NCALD: variants seen among roughly 807,000 people sequenced by gnomAD.
NCALD encodes neurocalcin-delta.
In NCALD, 10 loss-of-function variants were observed where a neutral mutation model predicts 18.6. The observed-to-expected ratio is 0.54, with a 90% CI of 0.33 to 0.91. The LOEUF (loss-of-function observed/expected upper bound fraction) is 0.91. Ranked by LOEUF, NCALD falls within the 40% of genes least tolerant of loss-of-function variation. The pLI, the probability that NCALD is intolerant of heterozygous loss-of-function variation, is 0.03. For synonymous variants in NCALD, 88 were observed against 87.4 expected (o/e 1.01, Z -0.04); for missense variants, 184 against 247.6 (o/e 0.74, Z 1.72).
intron 2 of NCALD, among the ~76,000 whole-genome samples, chr8:101,704,003 A>G (rs1460338318): frequency 6.6e-6 from 1 of 152,124 alleles, no homozygotes; most frequent in Non-Finnish European, 1.5e-5. Context: ...CATCAGCCAG[A>G]GGGAGAGCCT....
intron 1 of NCALD, among the ~76,000 whole-genome samples, chr8:101,780,572 G>C (rs1191856091): frequency 6.6e-6 from 1 of 152,086 alleles, no homozygotes; most frequent in African/African-American, 2.4e-5. Flanking sequence ...ATGGGGAGGG[G>C]TGAATAGGGA....
intron 2 of NCALD, among the ~76,000 whole-genome samples, chr8:101,704,485 C>A (rs1466196359): frequency 6.6e-6 from 1 of 152,138 alleles, no homozygotes; most frequent in African/African-American, 2.4e-5. Context: ...GCCGCGGTGA[C>A]TTCTGGTATC....
chr8:102,079,453 G>T (rs1322608976), intron 1 of NCALD, among the ~76,000 whole-genome samples: 1 of 150,900 alleles, frequency 6.6e-6, no homozygotes, highest in Non-Finnish European at 1.5e-5. Flanking sequence ...GGCAAAGTCA[G>T]AATTTGCAAA....
At chr8:101,951,106 A>G (rs1277208124) in intron 2 of NCALD, among the ~76,000 whole-genome samples, 2 of 152,096 alleles carry the variant, frequency 1.3e-5, no homozygotes, top group Admixed American at 6.5e-5. Context: ...ATCATTTCCA[A>G]TGTTGGTCTT....
intron 1 of NCALD, among the ~76,000 whole-genome samples, chr8:102,100,650 C>A (rs1318668998): frequency 1.3e-5 from 2 of 152,166 alleles, no homozygotes; most frequent in Non-Finnish European, 2.9e-5. Flanking sequence ...GGAAGGAACC[C>A]AAACGTTCAC....
intron 3 of NCALD, among the ~76,000 whole-genome samples, chr8:101,894,545 A>C (rs1031556023): frequency 6.9e-6 from 1 of 144,872 alleles, no homozygotes; most frequent in African/African-American, 2.8e-5. Flanking sequence ...AGACACAAAA[A>C]ACCCTTCAAA....
At chr8:102,107,799 G>A (rs369627623) in intron 1 of NCALD, among the ~76,000 whole-genome samples, 4 of 152,300 alleles carry the variant, frequency 2.6e-5, no homozygotes, top group African/African-American at 9.6e-5. Flanking sequence ...TGAGGGTCCT[G>A]CCACAACTTG....
chr8:101,994,830 G>A (rs1821178734), intron 2 of NCALD, among the ~76,000 whole-genome samples: 1 of 152,228 alleles, frequency 6.6e-6, no homozygotes, highest in Non-Finnish European at 1.5e-5. Context: ...GCAAGTATTT[G>A]TTTAATAAAG....
At chr8:102,080,250 A>G (rs1449563312) in intron 1 of NCALD, among the ~76,000 whole-genome samples, 1 of 152,184 alleles carries the variant, frequency 6.6e-6, no homozygotes, top group Non-Finnish European at 1.5e-5. Context: ...TACAACCCCA[A>G]GCAAATGCCT....
At chr8:101,855,687 A>T (rs556309258) in intron 4 of NCALD, among the ~76,000 whole-genome samples, 2 of 152,208 alleles carry the variant, frequency 1.3e-5, no homozygotes, top group African/African-American at 4.8e-5. Flanking sequence ...TGGAAGGTAG[A>T]GTACAAGTGC....
At chr8:102,121,992 A>C (rs1825957722) in intron 1 of NCALD, among the ~76,000 whole-genome samples, 1 of 152,278 alleles carries the variant, frequency 6.6e-6, no homozygotes. Context: ...ACCTACAATC[A>C]GAATCCATCT....
At chr8:101,830,989 G>A (rs1814160023) in intron 4 of NCALD, among the ~76,000 whole-genome samples, 1 of 152,060 alleles carries the variant, frequency 6.6e-6, no homozygotes, top group Non-Finnish European at 1.5e-5. Context: ...GAGGGCACTT[G>A]GATCCTCTGA....
intron 4 of NCALD, among the ~76,000 whole-genome samples, chr8:101,878,871 G>A (rs549509630): frequency 4.6e-5 from 7 of 152,300 alleles, no homozygotes; most frequent in East Asian, 3.9e-4. Context: ...GCTGTTATGC[G>A]ACGGTCAATG....
At chr8:101,913,746 C>G (rs1297385741) in intron 3 of NCALD, among the ~76,000 whole-genome samples, 1 of 152,120 alleles carries the variant, frequency 6.6e-6, no homozygotes, top group Non-Finnish European at 1.5e-5. Context: ...CCACGCCCAG[C>G]TAATTTTGTA....
rs1812070173 is a variant in NCALD at position 101,782,795 on chromosome 8, C to A, written c.-20+8067G>T. On this transcript the variant is annotated intron_variant, in intron 1 of 3. Coordinates refer to ENST00000220931, the MANE Select transcript of NCALD (RefSeq NM_032041.3). ...ATATCCTCTGGGGTTAATCTGTTCA[C>A]TAATCACCTAACAGAGATGTAAAGA... Among the ~76,000 whole-genome samples the A allele has an allele frequency of 2.0e-5, 3 of 152,184 alleles. No homozygotes were observed. In the South Asian group the frequency reaches 6.2e-4, roughly 32 times the overall value.
intron 2 of NCALD, among the ~76,000 whole-genome samples, chr8:101,966,817 T>G (rs1563940387): frequency 6.6e-6 from 1 of 152,154 alleles, no homozygotes; most frequent in Non-Finnish European, 1.5e-5. Context: ...ATCACAGCAT[T>G]ATTTTTAATG....
chr8:101,977,995 C>T (rs73279301), intron 2 of NCALD, among the ~76,000 whole-genome samples: 2,339 of 152,010 alleles, frequency 0.015, 48 homozygotes, highest in African/African-American at 0.048. Flanking sequence ...TCCTTCTCTC[C>T]GCCCTCAGTG....
chr8:101,851,396 T>G (rs1307562816), intron 4 of NCALD, among the ~76,000 whole-genome samples: 1 of 151,876 alleles, frequency 6.6e-6, no homozygotes, highest in African/African-American at 2.4e-5. Context: ...AAAATACAAA[T>G]AGTAAGTGTG....
At chr8:101,994,311 T>C (rs28680363) in intron 2 of NCALD, among the ~76,000 whole-genome samples, 23,070 of 152,082 alleles carry the variant, frequency 0.15, 2,350 homozygotes, top group African/African-American at 0.29. Context: ...ACTCTAGTGA[T>C]AGTGTCTCCA....
Sources: allele counts gnomAD v4.1 joint callset (sites outside exome capture counted in the v4.1 genomes callset), GRCh38; gene constraint gnomAD v4.1.1; transcripts MANE v1.5; gene names NCBI Gene and HGNC (gene_info 2026-07-23, HGNC 2026-07-21).